The following SLC24A3 variants were observed in gnomAD, a reference collection of about 807,000 sequenced individuals.
SLC24A3 encodes the protein solute carrier family 24 member 3.
SLC24A3 carries 28 observed loss-of-function variants against 75.8 expected under a neutral mutation model. The ratio of observed to expected loss-of-function variants is 0.37; its 90% CI spans 0.27 to 0.51. SLC24A3 has a LOEUF of 0.51. Among genes scored for constraint, SLC24A3 ranks in the 20% least tolerant of loss-of-function variants. SLC24A3 has a pLI of 0.94. For missense variants in SLC24A3, 663 were observed against 847.8 expected, an observed-to-expected ratio of 0.78 and a Z score of 2.71; for synonymous variants, 372 against 334.1, an observed-to-expected ratio of 1.11 and a Z score of -1.24.
intron 2 of SLC24A3, among the ~76,000 whole-genome samples, chr20:19,474,361 G>A (rs575199645): frequency 6.6e-5 from 10 of 152,086 alleles, no homozygotes; most frequent in African/African-American, 9.7e-5. Context: ...TGCACAACCC[G>A]GATTTTAAAA....
intron 2 of SLC24A3, among the ~76,000 whole-genome samples, chr20:19,351,983 C>G (rs111573602): frequency 6.6e-6 from 1 of 151,808 alleles, no homozygotes; most frequent in Admixed American, 6.6e-5. Context: ...GTGAGGACTC[C>G]GGAGCCTGTG....
chr20:19,703,146 G>A (rs1457212577), intron 15 of SLC24A3, among the ~76,000 whole-genome samples: 1 of 152,178 alleles, frequency 6.6e-6, no homozygotes, highest in Non-Finnish European at 1.5e-5. Flanking sequence ...TACTCAAGTA[G>A]TTGCTCTCCT....
intron 1 of SLC24A3, among the ~76,000 whole-genome samples, chr20:19,216,690 T>C (rs948870555): frequency 2.3e-4 from 35 of 152,184 alleles, no homozygotes; most frequent in African/African-American, 7.7e-4. Context: ...CATATACCTA[T>C]GTGCATGAAT....
chr20:19,670,095 C>G (rs532790770), intron 8 of SLC24A3, among the ~76,000 whole-genome samples: 1 of 151,942 alleles, frequency 6.6e-6, no homozygotes, highest in Admixed American at 6.6e-5. Flanking sequence ...GGAAACATGT[C>G]GTACAAAACC....
intron 13 of SLC24A3, chr20:19,693,636 T>A: frequency 1.8e-6 from 1 of 568,010 alleles, no homozygotes; most frequent in Non-Finnish European, 2.9e-6. Context: ...TCATTAATCT[T>A]AGCTGGGACC....
chr20:19,267,850 C>T (rs754866389), intron 1 of SLC24A3, among the ~76,000 whole-genome samples: 29 of 152,208 alleles, frequency 1.9e-4, no homozygotes, highest in South Asian at 1.5e-3. Flanking sequence ...TGAAAATATC[C>T]GCTAGGTGCA....
chr20:19,256,183 A>G (rs749276506), intron 1 of SLC24A3, among the ~76,000 whole-genome samples: 2 of 152,208 alleles, frequency 1.3e-5, no homozygotes, highest in Non-Finnish European at 2.9e-5. Context: ...GCATGCTGCA[A>G]CATGGATGAA....
At chr20:19,601,272 A>T (rs972458902) in intron 6 of SLC24A3, among the ~76,000 whole-genome samples, 1 of 152,020 alleles carries the variant, frequency 6.6e-6, no homozygotes, top group African/African-American at 2.4e-5. Context: ...CCACTTTTTC[A>T]TGGGGCCCTC....
chr20:19,575,254 C>CAAAAAAA (rs34789411), intron 3 of SLC24A3, among the ~76,000 whole-genome samples: 2 of 72,642 alleles, frequency 2.8e-5, no homozygotes, highest in African/African-American at 4.7e-5. Context: ...GAGACACTCT[C>CAAAAAAA]AAAAAAAAAA....
At chr20:19,361,221 A>G (rs555059447) in intron 2 of SLC24A3, among the ~76,000 whole-genome samples, 17 of 152,304 alleles carry the variant, frequency 1.1e-4, no homozygotes, top group Admixed American at 1.3e-4. Flanking sequence ...GCAACAATCC[A>G]TCAGCACTGC....
intron 2 of SLC24A3, among the ~76,000 whole-genome samples, chr20:19,424,330 C>T (rs1986963753): frequency 6.6e-6 from 1 of 152,206 alleles, no homozygotes; most frequent in Admixed American, 6.5e-5. Flanking sequence ...CCACATTGGT[C>T]TTCTCTTCCT....
chr20:19,603,372 C>G (rs564166777), intron 6 of SLC24A3, among the ~76,000 whole-genome samples: 5 of 152,170 alleles, frequency 3.3e-5, no homozygotes, highest in Admixed American at 6.5e-5. Flanking sequence ...ACCCTAATTT[C>G]TCTCCTTTTC....
At chr20:19,586,705 C>T (rs1373017508) in intron 6 of SLC24A3, among the ~76,000 whole-genome samples, 1 of 152,172 alleles carries the variant, frequency 6.6e-6, no homozygotes, top group Admixed American at 6.5e-5. Flanking sequence ...GTCTGGATTG[C>T]CTGGTGTGTC....
intron 3 of SLC24A3, among the ~76,000 whole-genome samples, chr20:19,571,134 C>G (rs985369685): frequency 2.0e-5 from 3 of 152,022 alleles, no homozygotes; most frequent in African/African-American, 7.2e-5. Context: ...AGTCATGTGG[C>G]CTGAGCTGCT....
intron 2 of SLC24A3, among the ~76,000 whole-genome samples, chr20:19,473,012 G>A (rs921444455): frequency 1.3e-5 from 2 of 152,170 alleles, no homozygotes; most frequent in Admixed American, 6.5e-5. Context: ...GCTAGCTGGG[G>A]TTCGGGGGCC....
chr20:19,683,537 C>T (rs2032638169), intron 10 of SLC24A3, among the ~76,000 whole-genome samples: 1 of 152,250 alleles, frequency 6.6e-6, no homozygotes, highest in Admixed American at 6.5e-5. Flanking sequence ...CTTGTCAGCT[C>T]TGCTCATAGA....
chr20:19,479,295 C>T lies in SLC24A3; in HGVS notation c.272-36193C>T, dbSNP rs144900184. The stretch of plus-strand genomic sequence containing the variant: ...GGTTAATTACTCATTGCCCATCTTC[C>T]ACTTTACCCATTTTGCACACAGCTC... On this transcript the variant is annotated intron_variant, in intron 2 of 16. Transcript: ENST00000328041. Among the ~76,000 whole-genome samples, 8 of 152,362 alleles carry T rather than the reference C, an allele frequency of 5.3e-5. 1 individual carries two copies. In the East Asian group the frequency reaches 1.5e-3, roughly 29 times the overall value.
intron 2 of SLC24A3, among the ~76,000 whole-genome samples, chr20:19,308,650 C>T (rs901030466): frequency 6.6e-6 from 1 of 152,198 alleles, no homozygotes; most frequent in Non-Finnish European, 1.5e-5. Context: ...ATTAAAGTAT[C>T]TGAAATCAGT....
chr20:19,303,750 G>A (rs1238491619), intron 2 of SLC24A3, among the ~76,000 whole-genome samples: 1 of 152,304 alleles, frequency 6.6e-6, no homozygotes, highest in African/African-American at 2.4e-5. Context: ...AAGTCACCTC[G>A]TGTGTTCCAA....
Sources: allele counts gnomAD v4.1 joint callset (sites outside exome capture counted in the v4.1 genomes callset), GRCh38; gene constraint gnomAD v4.1.1; transcripts MANE v1.5; gene names NCBI Gene and HGNC (gene_info 2026-07-23, HGNC 2026-07-21).